The following RGS6 variants were observed in gnomAD, a reference collection of about 807,000 sequenced individuals.
RGS6 encodes the protein regulator of G-protein signaling 6.
RGS6 carries 30 observed loss-of-function variants against 78.5 expected under a neutral mutation model. That is an observed-to-expected ratio of 0.38 (90% CI 0.29 to 0.52). RGS6 has a LOEUF of 0.52. Among genes scored for constraint, RGS6 ranks in the 20% least tolerant of loss-of-function variants. The pLI, the probability that RGS6 is intolerant of heterozygous loss-of-function variation, is 0.85. For missense variants in RGS6, 495 were observed against 609.7 expected (o/e 0.81, Z 1.98); for synonymous variants, 206 against 206.0 (o/e 1.00, Z 0.00).
At chr14:72,003,346 ACAT>A (rs2083860802) in intron 2 of RGS6, among the ~76,000 whole-genome samples, 1 of 152,184 alleles carries the variant, frequency 6.6e-6, no homozygotes, top group South Asian at 2.1e-4. Context: ...CCTATGCACA[ACAT>A]ACAACTTGCC....
intron 12 of RGS6, among the ~76,000 whole-genome samples, chr14:72,490,257 C>T (rs1005630946): frequency 6.6e-6 from 1 of 152,220 alleles, no homozygotes; most frequent in Admixed American, 6.5e-5. Flanking sequence ...CAAGCTCGCT[C>T]TCTTTGCCTG....
At chr14:72,359,640 C>A (rs1441895595) in intron 3 of RGS6, among the ~76,000 whole-genome samples, 1 of 152,082 alleles carries the variant, frequency 6.6e-6, no homozygotes, top group African/African-American at 2.4e-5. Flanking sequence ...ACACAGGGTA[C>A]TCCAATCTAT....
At chr14:72,193,607 G>C (rs1472924490) in intron 2 of RGS6, among the ~76,000 whole-genome samples, 1 of 152,198 alleles carries the variant, frequency 6.6e-6, no homozygotes, top group Non-Finnish European at 1.5e-5. Flanking sequence ...AGTCAAATAA[G>C]TTTTACTTCC....
At chr14:72,579,153 G>T in the RGS6 span, among the ~76,000 whole-genome samples, 1 of 151,968 alleles carries the variant, frequency 6.6e-6, no homozygotes. Flanking sequence ...TAACTGACTG[G>T]GTACTTGATC....
chr14:71,967,993 T>C (rs2093618038), intron 2 of RGS6, among the ~76,000 whole-genome samples: 1 of 152,228 alleles, frequency 6.6e-6, no homozygotes, highest in Admixed American at 6.5e-5. Flanking sequence ...TTGAACAGAC[T>C]TTCTAATTTA....
the RGS6 span, among the ~76,000 whole-genome samples, chr14:71,872,799 C>G: frequency 6.6e-6 from 1 of 152,132 alleles, no homozygotes; most frequent in African/African-American, 2.4e-5. Flanking sequence ...TCCCATTCCC[C>G]ATCCCACGAC....
chr14:72,404,495 T>C (rs1192750060), intron 3 of RGS6, among the ~76,000 whole-genome samples: 1 of 152,204 alleles, frequency 6.6e-6, no homozygotes. Context: ...CCTTCTCTGC[T>C]GCCAACCATT....
chr14:72,324,123 C>T (rs1488009508), intron 2 of RGS6, among the ~76,000 whole-genome samples: 1 of 152,042 alleles, frequency 6.6e-6, no homozygotes, highest in African/African-American at 2.4e-5. Flanking sequence ...CTATCAAATA[C>T]TAGATATTAT....
intron 2 of RGS6, among the ~76,000 whole-genome samples, chr14:72,238,836 T>C (rs847268): frequency 0.31 from 47,036 of 152,058 alleles, 8,001 homozygotes; most frequent in South Asian, 0.43. Context: ...GAGATTCATA[T>C]ACCATGCCTA....
At chr14:72,226,730 T>C (rs2048211017) in intron 2 of RGS6, among the ~76,000 whole-genome samples, 1 of 152,324 alleles carries the variant, frequency 6.6e-6, no homozygotes, top group Middle Eastern at 3.4e-3. Flanking sequence ...TGAGACAGAG[T>C]CATGCTGTGT....
At chr14:72,144,353 C>G (rs61994845) in intron 2 of RGS6, among the ~76,000 whole-genome samples, 24,792 of 152,074 alleles carry the variant, frequency 0.16, 2,682 homozygotes, top group South Asian at 0.24. Flanking sequence ...AGTTTGCAAA[C>G]TTATTATTTA....
At chr14:72,082,516 A>G (rs1430605099) in intron 2 of RGS6, among the ~76,000 whole-genome samples, 1 of 152,128 alleles carries the variant, frequency 6.6e-6, no homozygotes, top group African/African-American at 2.4e-5. Flanking sequence ...GAATTTGTTT[A>G]TTAAACTATT....
intron 1 of RGS6, 119 bp from the exon 2 acceptor site, chr14:71,964,652 TC>T (rs2093410413): frequency 3.2e-6 from 2 of 628,986 alleles, no homozygotes; most frequent in African/African-American, 3.7e-5. Flanking sequence ...AAAAAATGTA[TC>T]ATGTAATATC....
At chr14:71,989,534 T>C (rs922200756) in intron 2 of RGS6, among the ~76,000 whole-genome samples, 2 of 152,250 alleles carry the variant, frequency 1.3e-5, no homozygotes, top group African/African-American at 4.8e-5. Flanking sequence ...AAGGCAGACA[T>C]ATCTATTTCT....
intron 2 of RGS6, among the ~76,000 whole-genome samples, chr14:72,110,544 T>C (rs1022970230): frequency 1.3e-5 from 2 of 152,150 alleles, no homozygotes; most frequent in Non-Finnish European, 2.9e-5. Flanking sequence ...GACATCTCTC[T>C]CCCTGCCTTC....
At chr14:72,570,422 G>A (rs2097718964), downstream of RGS6, among the ~76,000 whole-genome samples, 2 of 152,174 alleles carry the variant, frequency 1.3e-5, no homozygotes, top group African/African-American at 4.8e-5. Context: ...TTATCAGAGT[G>A]GGAAATGGAA....
At chr14:71,938,827 C>T (rs2090005227) in intron 1 of RGS6, among the ~76,000 whole-genome samples, 1 of 152,148 alleles carries the variant, frequency 6.6e-6, no homozygotes, top group Non-Finnish European at 1.5e-5. Flanking sequence ...TCCACCAAAG[C>T]CCAGTAATAG....
At position 72,100,195 on chromosome 14, in the gene RGS6, G is replaced by A. The variant is rs1356201052; in HGVS notation, c.84+135320G>A. 2.6e-5 allele frequency among the ~76,000 whole-genome samples: 4 copies of A among 152,084 alleles called. No individual in the cohort carries two copies. In the South Asian group the frequency reaches 6.2e-4, roughly 24 times the overall value. ...TGATTTCCAGTTTTACAGTTTGGACGGCAGCATGGATAAGAAAGAATATAA... is the reference window on the plus strand; with the variant it reads ...TGATTTCCAGTTTTACAGTTTGGACAGCAGCATGGATAAGAAAGAATATAA... On this transcript the variant is annotated intron_variant, in intron 2 of 17. Transcript: ENST00000553525.
intron 2 of RGS6, among the ~76,000 whole-genome samples, chr14:72,278,861 A>G (rs967941307): frequency 1.3e-5 from 2 of 151,980 alleles, no homozygotes; most frequent in African/African-American, 2.4e-5. Flanking sequence ...GGAAGTCCAA[A>G]ATCAGTGTCT....
Sources: allele counts gnomAD v4.1 joint callset (sites outside exome capture counted in the v4.1 genomes callset), GRCh38; gene constraint gnomAD v4.1.1; transcripts MANE v1.5; gene names NCBI Gene and HGNC (gene_info 2026-07-23, HGNC 2026-07-21).